The following PCSK5 variants were observed in gnomAD, a reference collection of about 807,000 sequenced individuals.
PCSK5 encodes proprotein convertase subtilisin/kexin type 5.
Under a neutral mutation model 233.2 loss-of-function variants are expected in PCSK5, and 129 were observed. The ratio of observed to expected loss-of-function variants is 0.55; its 90% CI spans 0.48 to 0.64. The LOEUF (loss-of-function observed/expected upper bound fraction) is 0.64, where lower values mean the gene tolerates loss of function less well. PCSK5 is among the 30% of genes least tolerant of loss of function. The probability of loss-of-function intolerance (pLI) is 0.00; values close to 1 mark genes in which losing one functional copy is unlikely to be tolerated. For synonymous variants in PCSK5, 825 were observed against 879.2 expected (o/e 0.94, Z 1.09); for missense variants, 2,076 against 2,430.1 (o/e 0.85, Z 3.06).
At chr9:76,174,511 C>T (rs768899823) in intron 13 of PCSK5, among the ~76,000 whole-genome samples, 1 of 151,898 alleles carries the variant, frequency 6.6e-6, no homozygotes, top group Non-Finnish European at 1.5e-5. Context: ...GGAGTTTCAC[C>T]GTGTTAGCCA....
chr9:76,047,726 A>G (rs1336061428), intron 5 of PCSK5, among the ~76,000 whole-genome samples: 1 of 152,218 alleles, frequency 6.6e-6, no homozygotes, highest in Non-Finnish European at 1.5e-5. Context: ...AGGAGAAAAC[A>G]TTAAAAATGA....
At chr9:76,180,100 T>TATATATATATAC (rs1206109132) in intron 15 of PCSK5, among the ~76,000 whole-genome samples, 2 of 146,622 alleles carry the variant, frequency 1.4e-5, no homozygotes, top group Non-Finnish European at 3.0e-5. Context: ...TATATATATA[T>TATATATATATAC]ATATACACAC....
chr9:76,095,790 C>A, intron 7 of PCSK5, 100 bp from the exon 8 acceptor site: 2 of 1,003,018 alleles, frequency 2.0e-6, no homozygotes, highest in Non-Finnish European at 3.1e-6. Context: ...AAGATAGCAA[C>A]ACACCCCACC....
At chr9:76,070,069 C>T (rs1376283911) in intron 6 of PCSK5, among the ~76,000 whole-genome samples, 2 of 148,122 alleles carry the variant, frequency 1.4e-5, no homozygotes, top group African/African-American at 2.5e-5. Context: ...GGCATGATCT[C>T]GGCTCACTGC....
intron 9 of PCSK5, among the ~76,000 whole-genome samples, chr9:76,108,488 C>T (rs1364099296): frequency 3.3e-5 from 5 of 152,200 alleles, no homozygotes; most frequent in Admixed American, 2.0e-4. Context: ...GGCGCGGTGG[C>T]TTATGCCTGT....
chr9:76,091,805 C>T (rs549975594), intron 7 of PCSK5, among the ~76,000 whole-genome samples: 1 of 152,282 alleles, frequency 6.6e-6, no homozygotes, highest in East Asian at 1.9e-4. Context: ...CTCTCTGTGC[C>T]CCTTCAGGCC....
At chr9:75,899,187 A>G (rs545422149) in intron 1 of PCSK5, among the ~76,000 whole-genome samples, 2 of 152,288 alleles carry the variant, frequency 1.3e-5, no homozygotes, top group Non-Finnish European at 2.9e-5. Context: ...GACCAGGAGA[A>G]TGGTGGACTG....
At chr9:76,272,829 G>C (rs1057014889) in intron 24 of PCSK5, among the ~76,000 whole-genome samples, 1 of 130,440 alleles carries the variant, frequency 7.7e-6, no homozygotes, top group Non-Finnish European at 1.6e-5. Flanking sequence ...TGCCATAAAA[G>C]CTTCTTCATT....
intron 6 of PCSK5, among the ~76,000 whole-genome samples, chr9:76,069,566 A>C (rs1365933077): frequency 1.3e-5 from 2 of 152,152 alleles, no homozygotes; most frequent in African/African-American, 2.4e-5. Context: ...CTTGGAGTTA[A>C]ATGAGGAAAA....
chr9:75,967,960 C>T (rs1037023869), intron 2 of PCSK5, among the ~76,000 whole-genome samples: 1 of 152,236 alleles, frequency 6.6e-6, no homozygotes, highest in Non-Finnish European at 1.5e-5. Context: ...CGGGGTTTCT[C>T]CATGTTGGTC....
At chr9:76,060,839 G>T (rs1830002187) in intron 5 of PCSK5, among the ~76,000 whole-genome samples, 1 of 152,038 alleles carries the variant, frequency 6.6e-6, no homozygotes, top group Non-Finnish European at 1.5e-5. Context: ...AGGGAAAAAG[G>T]TTACAGAAAT....
At chr9:76,205,266 G>A (rs1425920277) in intron 20 of PCSK5, 6 of 518,560 alleles carry the variant, frequency 1.2e-5, no homozygotes, top group East Asian at 1.1e-4. Flanking sequence ...TGTAAAACAC[G>A]ATGATCCAGA....
intron 1 of PCSK5, among the ~76,000 whole-genome samples, chr9:75,892,438 G>A (rs1825650761): frequency 6.6e-6 from 1 of 152,220 alleles, no homozygotes; most frequent in Admixed American, 6.5e-5. Context: ...GGGTTGGCCG[G>A]AGGGGCGGGC....
At chr9:75,966,526 GTCTT>G (rs943867098) in intron 2 of PCSK5, among the ~76,000 whole-genome samples, 3 of 152,164 alleles carry the variant, frequency 2.0e-5, no homozygotes, top group African/African-American at 7.2e-5. Flanking sequence ...CTTGAAAAAA[GTCTT>G]TCTTCTCGCT....
At chr9:76,303,506 T>C (rs1469988566) in intron 28 of PCSK5, among the ~76,000 whole-genome samples, 5 of 152,226 alleles carry the variant, frequency 3.3e-5, no homozygotes, top group African/African-American at 4.8e-5. Flanking sequence ...TATTTTAGTA[T>C]ATACATGATA....
At chr9:75,992,508 G>A (rs1195750489) in intron 3 of PCSK5, among the ~76,000 whole-genome samples, 1 of 152,018 alleles carries the variant, frequency 6.6e-6, no homozygotes, top group Non-Finnish European at 1.5e-5. Flanking sequence ...TGCATTTATG[G>A]TATTTCAAGT....
At chr9:75,976,102 T>G (rs917428616) in intron 2 of PCSK5, among the ~76,000 whole-genome samples, 2 of 152,164 alleles carry the variant, frequency 1.3e-5, no homozygotes, top group Non-Finnish European at 2.9e-5. Context: ...CTCTTATTGA[T>G]TAAATGAGAT....
At chr9:76,025,331 G>A (rs1828374439) in intron 4 of PCSK5, among the ~76,000 whole-genome samples, 1 of 151,976 alleles carries the variant, frequency 6.6e-6, no homozygotes, top group Non-Finnish European at 1.5e-5. Context: ...AGGATTGCTT[G>A]AGCTCAGTAG....
chr9:76,035,493 T>G (rs1365060070), intron 5 of PCSK5, among the ~76,000 whole-genome samples: 2 of 152,184 alleles, frequency 1.3e-5, no homozygotes, highest in Non-Finnish European at 2.9e-5. Flanking sequence ...GACTTCAGTT[T>G]TGATAAAGGG....
Sources: allele counts gnomAD v4.1 joint callset (sites outside exome capture counted in the v4.1 genomes callset), GRCh38; gene constraint gnomAD v4.1.1; transcripts MANE v1.5; gene names NCBI Gene and HGNC (gene_info 2026-07-23, HGNC 2026-07-21).